The following RCAN2 variants were observed in gnomAD, a reference collection of about 807,000 sequenced individuals.
RCAN2 encodes calcipressin-2.
RCAN2 carries 9 observed loss-of-function variants against 23.6 expected under a neutral mutation model. That is an observed-to-expected ratio of 0.38 (90% confidence interval 0.23 to 0.67). The LOEUF (loss-of-function observed/expected upper bound fraction) is 0.67. RCAN2 is among the 30% of genes least tolerant of loss of function. The pLI is 0.51. For synonymous variants in RCAN2, 109 were observed against 115.7 expected (o/e 0.94, Z 0.37); for missense variants, 273 against 302.3 (o/e 0.90, Z 0.72).
At chr6:46,444,532 G>C (rs796694656) in intron 2 of RCAN2, among the ~76,000 whole-genome samples, 13 of 152,188 alleles carry the variant, frequency 8.5e-5, no homozygotes, top group African/African-American at 2.9e-4. Context: ...TATGGCCCCA[G>C]GCCCCAGGTC....
intron 2 of RCAN2, among the ~76,000 whole-genome samples, chr6:46,334,963 C>A (rs560439500): frequency 8.3e-6 from 1 of 120,956 alleles, no homozygotes; most frequent in African/African-American, 2.5e-5. Flanking sequence ...CTGACACACT[C>A]GAAAAAATTA....
intron 2 of RCAN2, among the ~76,000 whole-genome samples, chr6:46,349,149 T>C (rs1231682011): frequency 6.6e-6 from 1 of 152,208 alleles, no homozygotes; most frequent in Non-Finnish European, 1.5e-5. Flanking sequence ...TTCACAGCTT[T>C]TATTGTGCAT....
intron 2 of RCAN2, among the ~76,000 whole-genome samples, chr6:46,413,031 G>A (rs557259951): frequency 1.2e-3 from 177 of 152,286 alleles, no homozygotes; most frequent in African/African-American, 4.1e-3. Flanking sequence ...AAAAATGATT[G>A]TCTTTAATCA....
intron 1 of RCAN2, among the ~76,000 whole-genome samples, chr6:46,459,246 T>C (rs1282764677): frequency 1.3e-5 from 2 of 152,198 alleles, no homozygotes; most frequent in Non-Finnish European, 1.5e-5. Context: ...AGCATACAAA[T>C]AGATGCTGTG....
At chr6:46,392,192 G>A (rs1471805924) in intron 2 of RCAN2, among the ~76,000 whole-genome samples, 2 of 152,170 alleles carry the variant, frequency 1.3e-5, no homozygotes, top group Non-Finnish European at 2.9e-5. Flanking sequence ...CCATGGCCAA[G>A]CCCATCTTTA....
chr6:46,366,237 C>T (rs1473748050), intron 2 of RCAN2, among the ~76,000 whole-genome samples: 4 of 152,156 alleles, frequency 2.6e-5, no homozygotes, highest in Non-Finnish European at 5.9e-5. Flanking sequence ...ATTCCCAACT[C>T]GAAATAAATC....
chr6:46,423,918 C>T (rs2150413545), intron 2 of RCAN2, among the ~76,000 whole-genome samples: 1 of 152,306 alleles, frequency 6.6e-6, no homozygotes, highest in East Asian at 1.9e-4. Context: ...CTCTTGTCTT[C>T]TCTATTTTAC....
chr6:46,430,270 A>G (rs1201988257), intron 2 of RCAN2, among the ~76,000 whole-genome samples: 4 of 151,960 alleles, frequency 2.6e-5, no homozygotes, highest in African/African-American at 9.7e-5. Context: ...TTTAGGACGT[A>G]ACATCATCAG....
chr6:46,313,373 G>C (rs1200732429), intron 2 of RCAN2, among the ~76,000 whole-genome samples: 1 of 152,198 alleles, frequency 6.6e-6, no homozygotes, highest in Non-Finnish European at 1.5e-5. Flanking sequence ...ATGTCTGGAG[G>C]CAGTACCTAC....
intron 2 of RCAN2, among the ~76,000 whole-genome samples, chr6:46,407,583 T>C (rs116517023): frequency 0.021 from 3,190 of 152,278 alleles, 53 homozygotes; most frequent in Non-Finnish European, 0.033. Flanking sequence ...GCAACTGCTT[T>C]ATGGAAGGAG....
In RCAN2 at chr6:46,221,850, T is replaced by G; in HGVS notation, c.*1291A>C. 2.5e-6 allele frequency: 1 copy of G among 398,286 alleles called. No homozygotes were observed. The highest frequency in any genetic ancestry group is 4.4e-6 in the Non-Finnish European group (1 of 225,810). The allele number at this position is 398,286 out of a possible 1,614,324, so 24.7% of individuals were successfully genotyped here. A position where few individuals can be genotyped will look rare whatever the true frequency, so the allele number is the denominator to read the frequency against. ...CACATAGCAGAAGGTAATGGTTCTA[T>G]AGGTGTATCTTCTGTAATGCACTTT... On this transcript the variant is annotated 3_prime_UTR_variant, in exon 5 of 5. Transcript: ENST00000371374.
chr6:46,431,658 T>C (rs1767213554), intron 2 of RCAN2, among the ~76,000 whole-genome samples: 1 of 152,122 alleles, frequency 6.6e-6, no homozygotes, highest in South Asian at 2.1e-4. Context: ...CACATAAAAG[T>C]CCTCACATAA....
rs1458476806 is a variant in RCAN2 at position 46,367,021 on chromosome 6, G to GCATATATATATATA, written c.225+89730_225+89731insTATATATATATATG. On this transcript the variant is annotated intron_variant, in intron 2 of 4. Coordinates refer to ENST00000371374, the MANE Select transcript of RCAN2 (RefSeq NM_001251974.2). ...TATTTTATTTTCAGTTATCTGGGAT[G>GCATATATATATATA]GATATATATATATATATATATATAT... Among the ~76,000 whole-genome samples the GCATATATATATATA allele has an allele frequency of 4.2e-4, 17 of 40,196 alleles. 1 individual carries two copies. Among genetic ancestry groups the GCATATATATATATA allele is most frequent in the Non-Finnish European group, 8.8e-4 (16 of 18,238 alleles). The allele number at this position is 40,196 out of a possible 152,430, so 26.4% of individuals were successfully genotyped here.
intron 2 of RCAN2, among the ~76,000 whole-genome samples, chr6:46,261,811 GGTTT>G (rs1767118587): frequency 1.3e-5 from 2 of 152,090 alleles, no homozygotes; most frequent in South Asian, 4.1e-4. Context: ...TGTCTGTAAA[GGTTT>G]AATCATGTCC....
intron 2 of RCAN2, among the ~76,000 whole-genome samples, chr6:46,291,395 A>C (rs1762557852): frequency 6.6e-6 from 1 of 151,668 alleles, no homozygotes; most frequent in Admixed American, 6.6e-5. Context: ...GCTGAGTGAC[A>C]AGTGTGTGAA....
At chr6:46,362,848 C>G (rs1225056123) in intron 2 of RCAN2, among the ~76,000 whole-genome samples, 2 of 152,126 alleles carry the variant, frequency 1.3e-5, no homozygotes, top group Non-Finnish European at 2.9e-5. Context: ...CCATGGAAAA[C>G]CCAGTGAAAC....
At chr6:46,317,144 C>T (rs913751002) in intron 2 of RCAN2, among the ~76,000 whole-genome samples, 5 of 152,114 alleles carry the variant, frequency 3.3e-5, no homozygotes, top group African/African-American at 9.7e-5. Flanking sequence ...TCAAACCAGG[C>T]GCATGTCAAA....
chr6:46,269,337 T>C (rs1209706608), intron 2 of RCAN2, among the ~76,000 whole-genome samples: 1 of 152,248 alleles, frequency 6.6e-6, no homozygotes, highest in Non-Finnish European at 1.5e-5. Flanking sequence ...AATTTTCCAA[T>C]AAATTTTGCC....
chr6:46,254,085 T>C (rs1426147894), intron 2 of RCAN2, among the ~76,000 whole-genome samples: 3 of 152,250 alleles, frequency 2.0e-5, no homozygotes, highest in Non-Finnish European at 4.4e-5. Context: ...GGCACTGCAC[T>C]GATTCATGCT....
Sources: allele counts gnomAD v4.1 joint callset (sites outside exome capture counted in the v4.1 genomes callset), GRCh38; gene constraint gnomAD v4.1.1; transcripts MANE v1.5; gene names NCBI Gene and HGNC (gene_info 2026-07-23, HGNC 2026-07-21).